The following TRHDE variants were observed in gnomAD, a reference collection of about 807,000 sequenced individuals.
The protein encoded by TRHDE is thyrotropin-releasing hormone-degrading ectoenzyme.
A neutral mutation model predicts 125.7 loss-of-function variants in TRHDE; 72 were observed. The ratio of observed to expected loss-of-function variants is 0.57; its 90% CI spans 0.47 to 0.70. The LOEUF (loss-of-function observed/expected upper bound fraction) is 0.70. TRHDE is among the 30% of genes least tolerant of loss of function. TRHDE has a pLI of 0.00. For missense variants in TRHDE, 1,110 were observed against 1,327.1 expected, an observed-to-expected ratio of 0.84 and a Z score of 2.54; for synonymous variants, 509 against 509.1, an observed-to-expected ratio of 1.00 and a Z score of 0.00.
chr12:72,314,331 C>CCT, intron 2 of TRHDE, among the ~76,000 whole-genome samples: 1 of 141,352 alleles, frequency 7.1e-6, no homozygotes, highest in African/African-American at 2.6e-5. Context: ...CTCCCTCCCT[C>CCT]CCTCCCTTCC....
At chr12:72,123,093 G>C (rs911035175) in intron 2 of TRHDE, among the ~76,000 whole-genome samples, 1 of 152,090 alleles carries the variant, frequency 6.6e-6, no homozygotes, top group Non-Finnish European at 1.5e-5. Flanking sequence ...TTAATTTATA[G>C]TATACACAGG....
chr12:72,657,118 C>T, intron 18 of TRHDE, 110 bp downstream of exon 18: 1 of 694,198 alleles, frequency 1.4e-6, no homozygotes, highest in Non-Finnish European at 2.5e-6. Flanking sequence ...CTTTTACTTA[C>T]ACACGCACAC....
chr12:72,337,304 G>A (rs1004905760), intron 2 of TRHDE, among the ~76,000 whole-genome samples: 1 of 152,152 alleles, frequency 6.6e-6, no homozygotes. Context: ...GAAAGGAAAG[G>A]GAGATAGTCA....
At chr12:72,529,233 C>G (rs1186681975) in intron 6 of TRHDE, among the ~76,000 whole-genome samples, 1 of 151,926 alleles carries the variant, frequency 6.6e-6, no homozygotes, top group Non-Finnish European at 1.5e-5. Context: ...GCAATTTTCC[C>G]AGAGACTCCT....
chr12:72,396,100 C>T (rs1872777961), intron 3 of TRHDE, among the ~76,000 whole-genome samples: 1 of 152,076 alleles, frequency 6.6e-6, no homozygotes, highest in African/African-American at 2.4e-5. Context: ...GCTTTTAAAA[C>T]TTTGCTCTAA....
intron 2 of TRHDE, chr12:72,254,607 G>C (rs1878764072): frequency 6.6e-6 from 1 of 151,868 alleles, no homozygotes; most frequent in African/African-American, 2.4e-5. Flanking sequence ...GCTGATTTTT[G>C]CTTCCCACTT....
At chr12:72,455,349 A>C (rs921978916) in intron 3 of TRHDE, among the ~76,000 whole-genome samples, 1 of 152,210 alleles carries the variant, frequency 6.6e-6, no homozygotes, top group Non-Finnish European at 1.5e-5. Flanking sequence ...TTGGTACAAA[A>C]ATCTGCATAC....
In TRHDE at chr12:72,325,158, AT is replaced by A. The variant is rs35868672; in HGVS notation, c.1188+38213del. Among the ~76,000 whole-genome samples, 1,511 of 151,154 alleles carry A rather than the reference AT, an allele frequency of 1.0e-2. 25 individuals are homozygous for A. The highest frequency in any genetic ancestry group is 0.034 in the African/African-American group (1,384 of 41,218). Reference sequence around the variant, plus strand: ...AACATTGCCCACAGCCATTTGCTTCATTTTTTTTTAACTTGAAAAAACCCTT... The same window carrying A: ...AACATTGCCCACAGCCATTTGCTTCATTTTTTTTAACTTGAAAAAACCCTT... On this transcript the variant is annotated intron_variant, in intron 2 of 18. Transcript: ENST00000261180.
intron 2 of TRHDE, among the ~76,000 whole-genome samples, chr12:72,359,864 A>G (rs995223142): frequency 1.3e-5 from 2 of 151,720 alleles, no homozygotes; most frequent in African/African-American, 4.8e-5. Flanking sequence ...AGGCTTCAGG[A>G]TTTATTGCTT....
intron 3 of TRHDE, among the ~76,000 whole-genome samples, chr12:72,407,107 C>T (rs986735026): frequency 6.6e-6 from 1 of 152,076 alleles, no homozygotes; most frequent in Non-Finnish European, 1.5e-5. Context: ...AGCTACTGCT[C>T]TGTGGAGAGT....
At chr12:72,479,819 C>A (rs1472751730) in intron 5 of TRHDE, among the ~76,000 whole-genome samples, 6 of 147,764 alleles carry the variant, frequency 4.1e-5, no homozygotes, top group Admixed American at 6.8e-5. Flanking sequence ...CACCTCCCCC[C>A]ACCCCACAAC....
rs578107745 is a variant in TRHDE, at chr12:72,620,698, G to A, written c.2470-410G>A. 9.2e-5 allele frequency among the ~76,000 whole-genome samples: 14 copies of A among 152,138 alleles called. No homozygotes were observed. The South Asian group carries it at 2.9e-3, about 32-fold the overall frequency. On this transcript the variant is annotated intron_variant, in intron 13 of 18. Transcript: ENST00000261180. Reference sequence around the variant, plus strand: ...TTGGTTGGGCCAACATAGTAGTTTTGCATTAAATATGCCTTGTTGATATAA... The same window carrying A: ...TTGGTTGGGCCAACATAGTAGTTTTACATTAAATATGCCTTGTTGATATAA...
At chr12:72,241,193 G>A (rs1287035880) in intron 2 of TRHDE, among the ~76,000 whole-genome samples, 1 of 152,164 alleles carries the variant, frequency 6.6e-6, no homozygotes, top group Middle Eastern at 3.4e-3. Flanking sequence ...TTTTTGGTGG[G>A]CAATACCACA....
chr12:72,420,331 A>G (rs1873900187), intron 3 of TRHDE, among the ~76,000 whole-genome samples: 1 of 152,178 alleles, frequency 6.6e-6, no homozygotes, highest in Non-Finnish European at 1.5e-5. Context: ...AACTCCTGGT[A>G]TTCTGATTTT....
intron 2 of TRHDE, among the ~76,000 whole-genome samples, chr12:72,133,776 T>C (rs981238841): frequency 3.3e-5 from 5 of 152,168 alleles, no homozygotes; most frequent in Non-Finnish European, 7.4e-5. Context: ...TCCTGGTTGC[T>C]CCTGGGCTAG....
At chr12:72,204,969 C>T (rs1877634986) in intron 2 of TRHDE, among the ~76,000 whole-genome samples, 1 of 152,138 alleles carries the variant, frequency 6.6e-6, no homozygotes, top group Non-Finnish European at 1.5e-5. Flanking sequence ...GCTAAATAAA[C>T]TATGATGTAT....
chr12:72,154,644 T>G (rs1876459543), intron 2 of TRHDE, among the ~76,000 whole-genome samples: 1 of 152,200 alleles, frequency 6.6e-6, no homozygotes, highest in African/African-American at 2.4e-5. Context: ...GTTTCTCCTT[T>G]ACTTTTGAAG....
At chr12:72,472,951 C>A in intron 4 of TRHDE, 116 bp from the exon 5 acceptor site, 2 of 830,480 alleles carry the variant, frequency 2.4e-6, no homozygotes, top group South Asian at 1.8e-5. Flanking sequence ...ATCACAAAAT[C>A]AACTGGGGAA....
intron 3 of TRHDE, among the ~76,000 whole-genome samples, chr12:72,423,555 C>T (rs1447122891): frequency 6.6e-6 from 1 of 152,138 alleles, no homozygotes; most frequent in East Asian, 1.9e-4. Flanking sequence ...CTCCACAACA[C>T]CTTGAGGAAC....
Sources: gnomAD v4.1 joint callset for allele counts (sites outside exome capture counted in the v4.1 genomes callset) on GRCh38, gnomAD v4.1.1 for gene constraint, MANE v1.5 for transcripts, NCBI Gene and HGNC (gene_info 2026-07-23, HGNC 2026-07-21) for gene names.